TATDN3: variants seen among roughly 807,000 people sequenced by gnomAD.
TATDN3 encodes TatD DNase domain containing 3, also known as deoxyribonuclease TATDN3.
In TATDN3, 29 loss-of-function variants were observed where a neutral mutation model predicts 40.1. The observed-to-expected ratio is 0.72, with a 90% CI of 0.54 to 0.99. The LOEUF (loss-of-function observed/expected upper bound fraction) is 0.99, where lower values mean the gene tolerates loss of function less well. Among genes scored for constraint, TATDN3 ranks in the 50% least tolerant of loss-of-function variants. The pLI, the probability that TATDN3 is intolerant of heterozygous loss-of-function variation, is 0.00. For synonymous variants in TATDN3, 105 were observed against 117.0 expected (o/e 0.90, Z 0.66); for missense variants, 309 against 321.9 (o/e 0.96, Z 0.31).
At chr1:212,812,023 C>T (rs928476873) in intron 8 of TATDN3, among the ~76,000 whole-genome samples, 9 of 151,094 alleles carry the variant, frequency 6.0e-5, no homozygotes, top group African/African-American at 1.7e-4. Flanking sequence ...TTAGCAGAGA[C>T]GGGGTTTCAC....
chr1:212,797,324 T>A, intron 4 of TATDN3, 128 bp downstream of exon 4: 1 of 701,304 alleles, frequency 1.4e-6, no homozygotes, highest in Non-Finnish European at 2.4e-6. Flanking sequence ...TTACCTTCTT[T>A]AACAAAGATG....
chr1:212,792,124 C>A, intron 1 of TATDN3, 137 bp downstream of exon 1: 1 of 816,622 alleles, frequency 1.2e-6, no homozygotes, highest in Non-Finnish European at 1.9e-6. Flanking sequence ...TATGACCTTG[C>A]CCCTCATTTC....
At chr1:212,799,268 T>G (rs1427931123) in intron 4 of TATDN3, among the ~76,000 whole-genome samples, 9 of 152,150 alleles carry the variant, frequency 5.9e-5, no homozygotes, top group African/African-American at 2.2e-4. Flanking sequence ...GTAATTTATG[T>G]TTTAAAAAGA....
chr1:212,802,859 C>A, intron 5 of TATDN3, 96 bp downstream of exon 5: 1 of 846,578 alleles, frequency 1.2e-6, no homozygotes, highest in African/African-American at 1.7e-5. Flanking sequence ...TTATAACTGA[C>A]TTGTATAATT....
intron 4 of TATDN3, among the ~76,000 whole-genome samples, chr1:212,802,303 G>T (rs970781124): frequency 2.0e-5 from 3 of 152,154 alleles, no homozygotes; most frequent in African/African-American, 7.2e-5. Flanking sequence ...CCAACCAGAC[G>T]AATTCTAAGG....
chr1:212,812,188 T>C (rs756867692), intron 8 of TATDN3, 60 bp from the exon 9 acceptor site: 1 of 1,103,298 alleles, frequency 9.1e-7, no homozygotes, highest in Non-Finnish European at 1.3e-6. Flanking sequence ...TATGTCAATT[T>C]AATGCTCTTT....
chr1:212,795,133 T>A lies in TATDN3; in HGVS notation c.99+6T>A. 6.2e-7 allele frequency: 1 copy of A among 1,610,694 alleles called. No homozygotes were observed. The highest frequency in any genetic ancestry group is 1.1e-5 in the South Asian group (1 of 90,766). On this transcript the variant is annotated splice_donor_region_variant and intron_variant, in intron 2 of 9. Transcript: ENST00000366974. ...TGTTGGAGAAAGCCAAGAAGGTAAG[T>A]CAATATTTGTAATTGCTCTTTTGGT...
Sources: allele counts gnomAD v4.1 joint callset (sites outside exome capture counted in the v4.1 genomes callset), GRCh38; gene constraint gnomAD v4.1.1; transcripts MANE v1.5; gene names NCBI Gene and HGNC (gene_info 2026-07-23, HGNC 2026-07-21).